FBXO31: variants seen among roughly 807,000 people sequenced by gnomAD.
FBXO31 encodes F-box only protein 31.
FBXO31 carries 24 observed loss-of-function variants against 54.4 expected under a neutral mutation model. That is an observed-to-expected ratio of 0.44 (90% confidence interval 0.32 to 0.62). The LOEUF is 0.62. FBXO31 is among the 20% of genes least tolerant of loss of function. The pLI, the probability that FBXO31 is intolerant of heterozygous loss-of-function variation, is 0.05. For missense variants in FBXO31, 665 were observed against 787.1 expected (o/e 0.84, Z 1.86); for synonymous variants, 388 against 335.6 (o/e 1.16, Z -1.71).
rs34412175 is a variant in FBXO31 at position 87,334,102 on chromosome 16, C to G, written c.1181G>C (p.Arg394Pro). ...TGGCTGGGACTCCCGGGGGCCCTGC[C>G]GGCCACGACCCTCGCCCGCCTCGTG... ...GGHEAGEGRG[R>P]QGPRESQPSP... Residue 394 changes from arginine to proline, a missense_variant, in exon 8 of 9, where the codon CGG becomes CCG. By Grantham distance (103) the Arg-to-Pro change is moderately radical. This residue lies in a region of FBXO31 where 165 missense variants were observed against 159.7 expected (regional missense o/e 1.03). Transcript: ENST00000311635. 1 of 1,610,222 alleles carries G rather than the reference C, an allele frequency of 6.2e-7. No individual in the cohort carries two copies. The highest frequency in any genetic ancestry group is 1.1e-5 in the South Asian group (1 of 90,884).
intron 2 of FBXO31, among the ~76,000 whole-genome samples, chr16:87,357,146 G>T (rs1026304474): frequency 1.3e-5 from 2 of 152,060 alleles, no homozygotes; most frequent in Admixed American, 1.3e-4. Flanking sequence ...TAGGGAGGCT[G>T]AGGCAGGAGG....
intron 2 of FBXO31, among the ~76,000 whole-genome samples, chr16:87,352,475 T>C (rs1049261362): frequency 2.0e-5 from 3 of 151,990 alleles, no homozygotes; most frequent in Non-Finnish European, 4.4e-5. Context: ...TGTTAATATC[T>C]GGGTAAAGGC....
chr16:87,375,443 A>T (rs1342627674), intron 1 of FBXO31, among the ~76,000 whole-genome samples: 1 of 152,214 alleles, frequency 6.6e-6, no homozygotes, highest in Non-Finnish European at 1.5e-5. Flanking sequence ...GTGAGCCGAG[A>T]TCACGCCACT....
At chr16:87,332,978 G>A (rs1288201500) in intron 8 of FBXO31, among the ~76,000 whole-genome samples, 1 of 152,246 alleles carries the variant, frequency 6.6e-6, no homozygotes, top group Non-Finnish European at 1.5e-5. Context: ...GAGCTGCACT[G>A]TCCACCAGCC....
rs1361184856 is a variant in FBXO31, at chr16:87,329,491, C to G, written c.*1797G>C. The stretch of plus-strand genomic sequence containing the variant: ...TGATTTTATTTAAACAATGGTGAAT[C>G]TTCAAGGTGCCAGTCTACATGCCCA... On this transcript the variant is annotated 3_prime_UTR_variant, in exon 9 of 9. Coordinates refer to ENST00000311635, the MANE Select transcript of FBXO31 (RefSeq NM_024735.5). 2 of 152,304 alleles carry G rather than the reference C, an allele frequency of 1.3e-5. No homozygotes were observed. The highest frequency in any genetic ancestry group is 2.9e-5 in the Non-Finnish European group (2 of 68,076). The allele number at this position is 152,304 out of a possible 1,614,324, so 9.4% of individuals were successfully genotyped here.
chr16:87,350,715 C>A (rs901674625), intron 2 of FBXO31, among the ~76,000 whole-genome samples: 22 of 148,024 alleles, frequency 1.5e-4, no homozygotes, highest in African/African-American at 4.9e-4. Flanking sequence ...TCATGAAATA[C>A]TGGGGTTAAA....
chr16:87,349,581 A>G (rs1299744730), intron 2 of FBXO31, among the ~76,000 whole-genome samples: 2 of 152,128 alleles, frequency 1.3e-5, no homozygotes, highest in African/African-American at 2.4e-5. Flanking sequence ...CATAGTGGCA[A>G]GTGCCTGTAA....
At chr16:87,378,996 CATAGAT>C (rs1271603311) in intron 1 of FBXO31, among the ~76,000 whole-genome samples, 7 of 150,826 alleles carry the variant, frequency 4.6e-5, no homozygotes, top group Middle Eastern at 3.4e-3. Flanking sequence ...TAGATATAGA[CATAGAT>C]ATAGATATAT....
In FBXO31 at chr16:87,345,131, C is replaced by T. The variant is rs949170882; in HGVS notation, c.490-1366G>A. ...GAGGCCACGGGGAGACAGACACACC[C>T]GCCCTCGCTGGGCTCAGCCCCTGGT... is the stretch of plus-strand genomic sequence containing the variant. On this transcript the variant is annotated intron_variant, in intron 3 of 8. Coordinates refer to ENST00000311635, the MANE Select transcript of FBXO31 (RefSeq NM_024735.5). The surrounding 1 kb of genome is among the most constrained non-coding windows in gnomAD (Gnocchi z 4.9). 2.0e-5 allele frequency among the ~76,000 whole-genome samples: 3 copies of T among 152,186 alleles called. No homozygotes were observed. The highest frequency in any genetic ancestry group is 1.3e-4 in the Admixed American group (2 of 15,274).
intron 1 of FBXO31, among the ~76,000 whole-genome samples, chr16:87,374,599 G>T (rs1906743644): frequency 6.6e-6 from 1 of 152,072 alleles, no homozygotes; most frequent in Non-Finnish European, 1.5e-5. Context: ...CCCACCTTAG[G>T]CTTACAACAG....
At chr16:87,351,498 G>A (rs1905654841) in intron 2 of FBXO31, among the ~76,000 whole-genome samples, 1 of 152,138 alleles carries the variant, frequency 6.6e-6, no homozygotes, top group African/African-American at 2.4e-5. Context: ...AGATGGTCAG[G>A]CCTTCCTGCA....
At chr16:87,342,517 G>T (rs1905225440) in intron 5 of FBXO31, among the ~76,000 whole-genome samples, 1 of 152,190 alleles carries the variant, frequency 6.6e-6, no homozygotes, top group Non-Finnish European at 1.5e-5. Flanking sequence ...GGAAACACAG[G>T]AACTCTGGGT....
chr16:87,352,491 C>T (rs4843602), intron 2 of FBXO31, among the ~76,000 whole-genome samples: 148,845 of 152,212 alleles, frequency 0.98, 72,861 homozygotes, highest in East Asian at 1. Context: ...AAGGCTAAAA[C>T]GAAAGAAAAT....
chr16:87,392,063 G>A (rs915097853), upstream of FBXO31: 5 of 211,770 alleles, frequency 2.4e-5, no homozygotes, highest in Non-Finnish European at 4.7e-5. Flanking sequence ...CCGGGGTGCG[G>A]CCCAGCCCAC....
chr16:87,383,012 AGAG>A lies in FBXO31; in HGVS notation c.340+390_340+392del, dbSNP rs979245438. 3.5e-4 allele frequency among the ~76,000 whole-genome samples: 54 copies of A among 152,234 alleles called. No individual in the cohort carries two copies. Among genetic ancestry groups the A allele is most frequent in the Non-Finnish European group, 5.0e-4 (34 of 67,998 alleles). ...CTCGGCTCGCCTTCAAGACAGGGGC[AGAG>A]GAGGCGGCCCCCAGGCGTCAGCTTA... On this transcript the variant is annotated intron_variant, in intron 1 of 8. Coordinates refer to ENST00000311635, the MANE Select transcript of FBXO31 (RefSeq NM_024735.5). The surrounding 1 kb of genome is among the most constrained non-coding windows in gnomAD (Gnocchi z 4.9).
intron 2 of FBXO31, 94 bp downstream of exon 2, chr16:87,360,201 G>A (rs1906072109): frequency 1.7e-6 from 2 of 1,197,706 alleles, no homozygotes; most frequent in Non-Finnish European, 1.2e-6. Flanking sequence ...AAACAAAAGT[G>A]TGGACTAAAT....
intron 5 of FBXO31, 68 bp downstream of exon 5, chr16:87,342,809 C>G (rs1905233762): frequency 1.4e-6 from 2 of 1,397,504 alleles, no homozygotes; most frequent in Non-Finnish European, 2.0e-6. Context: ...CCGCATGGGT[C>G]TGTACTTTCC....
chr16:87,383,854 A>G, upstream of FBXO31: 4 of 813,474 alleles, frequency 4.9e-6, no homozygotes, highest in South Asian at 5.8e-5. This position sits in a 1 kb window ranked among gnomAD's most constrained non-coding sequence, Gnocchi z 4.9. Flanking sequence ...CCCCCTGGAG[A>G]GCCTAGCCCC....
At chr16:87,379,029 G>T (rs1465028923) in intron 1 of FBXO31, among the ~76,000 whole-genome samples, 1 of 151,846 alleles carries the variant, frequency 6.6e-6, no homozygotes, top group Non-Finnish European at 1.5e-5. Flanking sequence ...CCAAAGATAT[G>T]AGAGTTCACT....
Sources: allele counts gnomAD v4.1 joint callset (sites outside exome capture counted in the v4.1 genomes callset), GRCh38; gene constraint gnomAD v4.1.1; regional missense constraint gnomAD v4.1.1; non-coding constraint Gnocchi (gnomAD v3.1); transcripts MANE v1.5; gene names NCBI Gene and HGNC (gene_info 2026-07-23, HGNC 2026-07-21).